Variants in CLVS1 observed in about 807,000 individuals in gnomAD.
CLVS1 encodes clavesin-1.
A neutral mutation model predicts 33.1 loss-of-function variants in CLVS1; 10 were observed. The ratio of observed to expected loss-of-function variants is 0.30; its 90% CI spans 0.19 to 0.51. The LOEUF (loss-of-function observed/expected upper bound fraction) is 0.51. Among genes scored for constraint, CLVS1 ranks in the 20% least tolerant of loss-of-function variants. The pLI, the probability that CLVS1 is intolerant of heterozygous loss-of-function variation, is 0.97. For synonymous variants in CLVS1, 163 were observed against 166.1 expected (o/e 0.98, Z 0.14); for missense variants, 343 against 433.4 (o/e 0.79, Z 1.85).
At chr8:61,432,330 C>T (rs1308514784) in intron 3 of CLVS1, among the ~76,000 whole-genome samples, 1 of 151,994 alleles carries the variant, frequency 6.6e-6, no homozygotes, top group Non-Finnish European at 1.5e-5. Flanking sequence ...CCCCCAAATT[C>T]GTCTGTTGAA....
chr8:60,994,899 A>G, the CLVS1 span, among the ~76,000 whole-genome samples: 6 of 152,158 alleles, frequency 3.9e-5, no homozygotes, highest in South Asian at 4.2e-4. Flanking sequence ...CCTGAGAAAA[A>G]CAAGCAATGG....
In CLVS1 at chr8:61,295,997, C is replaced by A. The variant is rs370925021; in HGVS notation, c.-151-3680C>A. Among the ~76,000 whole-genome samples the A allele has an allele frequency of 2.8e-4, 43 of 152,192 alleles. No individual in the cohort carries two copies. The East Asian group carries it at 7.9e-3, about 28-fold the overall frequency. ...TCATGTTGTACAAGTTCAATGTATC[C>A]ATTTATAATTTGGAAAAGTTGAATG... is the stretch of plus-strand genomic sequence containing the variant. On this transcript the variant is annotated intron_variant, in intron 1 of 5. Coordinates refer to ENST00000325897, the MANE Select transcript of CLVS1 (RefSeq NM_173519.3).
chr8:61,479,200 C>T lies in CLVS1; in HGVS notation c.978-20255C>T, dbSNP rs561527998. 6.6e-5 allele frequency among the ~76,000 whole-genome samples: 10 copies of T among 152,240 alleles called. No homozygotes were observed. The East Asian group carries it at 1.5e-3, about 24-fold the overall frequency. The stretch of plus-strand genomic sequence containing the variant: ...TTTTCCAACTTGGTTCCATTCTCTC[C>T]ATCACTTTCAGGTACACCAATCAGA... On this transcript the variant is annotated intron_variant, in intron 5 of 5. Coordinates refer to ENST00000325897, the MANE Select transcript of CLVS1 (RefSeq NM_173519.3).
intron 3 of CLVS1, among the ~76,000 whole-genome samples, chr8:61,393,731 G>A (rs923526855): frequency 8.5e-5 from 13 of 152,170 alleles, no homozygotes; most frequent in African/African-American, 2.7e-4. Flanking sequence ...GCTGGAGAAT[G>A]TCTGCAAAGA....
At chr8:61,103,761 A>G (rs551513084) in intron 1 of CLVS1, among the ~76,000 whole-genome samples, 1 of 152,342 alleles carries the variant, frequency 6.6e-6, no homozygotes, top group South Asian at 2.1e-4. Flanking sequence ...GTGCCAATTC[A>G]TTACTGCAGG....
chr8:61,033,879 T>C, the CLVS1 span, among the ~76,000 whole-genome samples: 47 of 152,366 alleles, frequency 3.1e-4, no homozygotes, highest in East Asian at 8.7e-3. Context: ...GACTGATGTT[T>C]AAACTCTGGA....
intron 1 of CLVS1, among the ~76,000 whole-genome samples, chr8:61,082,396 G>T (rs569665631): frequency 6.6e-6 from 1 of 152,188 alleles, no homozygotes; most frequent in East Asian, 1.9e-4. Flanking sequence ...TAATGACTGA[G>T]AATTTTCTAA....
At chr8:61,147,378 C>T (rs1216565524) in intron 2 of CLVS1, among the ~76,000 whole-genome samples, 1 of 152,138 alleles carries the variant, frequency 6.6e-6, no homozygotes, top group Non-Finnish European at 1.5e-5. Context: ...AACTGTGGAA[C>T]TAGTTCAGAT....
chr8:61,154,254 G>A (rs17831865), intron 2 of CLVS1, among the ~76,000 whole-genome samples: 32,885 of 151,686 alleles, frequency 0.22, 3,667 homozygotes, highest in Admixed American at 0.28. Context: ...GTGGAGCATG[G>A]TATTTTATGT....
At chr8:61,377,335 T>C (rs10098755) in intron 3 of CLVS1, 92,277 of 152,072 alleles carry the variant, frequency 0.61, 31,249 homozygotes, top group Non-Finnish European at 0.75. Flanking sequence ...GGTTAGTCTT[T>C]AGGGTTCTTT....
chr8:61,086,992 G>A (rs548444694), intron 1 of CLVS1, among the ~76,000 whole-genome samples: 111 of 152,276 alleles, frequency 7.3e-4, no homozygotes, highest in Non-Finnish European at 1.5e-3. Context: ...AGCAGCATGA[G>A]GTACAGGGCT....
At chr8:61,032,161 A>C in the CLVS1 span, among the ~76,000 whole-genome samples, 1 of 152,168 alleles carries the variant, frequency 6.6e-6, no homozygotes, top group Non-Finnish European at 1.5e-5. Context: ...ACGATAACCA[A>C]ACTCTACTCT....
chr8:60,976,909 C>G, the CLVS1 span, among the ~76,000 whole-genome samples: 1 of 152,196 alleles, frequency 6.6e-6, no homozygotes, highest in African/African-American at 2.4e-5. Flanking sequence ...TGTGGAGGGG[C>G]TGGCACAGAG....
At chr8:61,429,713 C>A (rs1472574828) in intron 3 of CLVS1, among the ~76,000 whole-genome samples, 1 of 152,096 alleles carries the variant, frequency 6.6e-6, no homozygotes, top group African/African-American at 2.4e-5. Flanking sequence ...ATACTTAAAG[C>A]CTCTAATCTG....
chr8:61,242,600 G>A (rs952855317), intron 2 of CLVS1, among the ~76,000 whole-genome samples: 6 of 151,958 alleles, frequency 3.9e-5, no homozygotes, highest in Admixed American at 3.3e-4. Context: ...GACCAGCCAG[G>A]GCAACATGGC....
intron 1 of CLVS1, among the ~76,000 whole-genome samples, chr8:61,085,774 C>A (rs1805109848): frequency 6.6e-6 from 1 of 150,922 alleles, no homozygotes; most frequent in African/African-American, 2.4e-5. Flanking sequence ...GTAATCCCAG[C>A]ACTCTTTGGG....
chr8:61,237,622 T>C lies in CLVS1; in HGVS notation c.-151-62055T>C, dbSNP rs181749745. On this transcript the variant is annotated intron_variant, in intron 2 of 2. Transcript: ENST00000522621. ...AGGTAAAGTGAATTATCCTCCAAGT[T>C]TGACAAAAATTCTAGGACCTTGGGA... Among the ~76,000 whole-genome samples, 248 of 152,212 alleles carry C rather than the reference T, an allele frequency of 1.6e-3. 3 individuals carry two copies. Among genetic ancestry groups the C allele is most frequent in the Admixed American group, 0.014 (218 of 15,294 alleles).
intron 3 of CLVS1, among the ~76,000 whole-genome samples, chr8:61,385,218 C>G (rs1048384369): frequency 6.6e-6 from 1 of 152,144 alleles, no homozygotes; most frequent in Admixed American, 6.5e-5. Context: ...AAAGGACTGG[C>G]CTCTGTGAAT....
chr8:61,440,940 C>A (rs1009110170), intron 3 of CLVS1, among the ~76,000 whole-genome samples: 1 of 152,130 alleles, frequency 6.6e-6, no homozygotes, highest in African/African-American at 2.4e-5. Context: ...TGTTTGCTCT[C>A]TTGTGTTAAT....
Sources: allele counts gnomAD v4.1 joint callset (sites outside exome capture counted in the v4.1 genomes callset), GRCh38; gene constraint gnomAD v4.1.1; transcripts MANE v1.5; gene names NCBI Gene and HGNC (gene_info 2026-07-23, HGNC 2026-07-21).